Variants in S100Z observed in about 807,000 individuals in gnomAD.
S100Z encodes the protein S100 calcium binding protein Z, also known as protein S100-Z.
In S100Z, 11 loss-of-function variants were observed where a neutral mutation model predicts 8.5. The observed-to-expected ratio is 1.30, with a 90% confidence interval of 0.82 to 2.15. The LOEUF (loss-of-function observed/expected upper bound fraction) is 2.15. S100Z is among the 30% of genes most tolerant of loss of function. S100Z has a pLI of 0.00. For synonymous variants in S100Z, 34 were observed against 43.8 expected (o/e 0.78, Z 0.89); for missense variants, 126 against 117.9 (o/e 1.07, Z -0.32).
chr5:76,931,801 ATTC>A, the S100Z span, among the ~76,000 whole-genome samples: 45,251 of 151,662 alleles, frequency 0.3, 6,844 homozygotes, highest in East Asian at 0.37. Context: ...GGTTTTTTTT[ATTC>A]TTCTTTTTTT....
At chr5:76,889,336 C>T (rs73764767) in intron 4 of S100Z, among the ~76,000 whole-genome samples, 2 of 152,094 alleles carry the variant, frequency 1.3e-5, no homozygotes, top group Non-Finnish European at 2.9e-5. Flanking sequence ...CTCATTGAAG[C>T]CGTATCATTT....
intron 4 of S100Z, among the ~76,000 whole-genome samples, chr5:76,898,249 C>T (rs1284140624): frequency 3.3e-5 from 5 of 151,840 alleles, no homozygotes; most frequent in African/African-American, 1.2e-4. Flanking sequence ...CTCCCGGGTT[C>T]AAGTGATTCT....
intron 4 of S100Z, among the ~76,000 whole-genome samples, chr5:76,913,830 C>A (rs888078985): frequency 6.6e-6 from 1 of 152,268 alleles, no homozygotes. Flanking sequence ...AGGGATAGTA[C>A]GAGATGCTGC....
At chr5:76,876,554 A>G (rs1329421278) in intron 3 of S100Z, among the ~76,000 whole-genome samples, 3 of 152,016 alleles carry the variant, frequency 2.0e-5, no homozygotes, top group Non-Finnish European at 4.4e-5. Flanking sequence ...TATTTTTAGT[A>G]GAGACAGAGT....
At chr5:76,910,250 A>G (rs1261867596) in intron 4 of S100Z, among the ~76,000 whole-genome samples, 1 of 152,204 alleles carries the variant, frequency 6.6e-6, no homozygotes, top group Admixed American at 6.5e-5. Context: ...GGGTCAACTG[A>G]TTCTAAAAGA....
chr5:76,918,453 C>T lies in S100Z; in HGVS notation c.*3-2264C>T, dbSNP rs145949888. Among the ~76,000 whole-genome samples the T allele has an allele frequency of 6.9e-3, 1,047 of 152,302 alleles. 16 individuals carry two copies. Among genetic ancestry groups the T allele is most frequent in the African/African-American group, 0.024 (983 of 41,556 alleles). ...AACTCCTGAGCTCAAGCAGTCCTCC[C>T]GTCTTGGCCTCCCAAAGTGCTGGGA... On this transcript the variant is annotated intron_variant, in intron 4 of 4. Transcript: ENST00000317593.
At chr5:76,925,737 G>A (rs1027929072), downstream of S100Z, among the ~76,000 whole-genome samples, 1 of 152,056 alleles carries the variant, frequency 6.6e-6, no homozygotes. Flanking sequence ...GAGGCTGAGG[G>A]GGGCGGATCA....
the S100Z span, among the ~76,000 whole-genome samples, chr5:76,933,768 A>G: frequency 7.9e-5 from 12 of 152,318 alleles, no homozygotes; most frequent in South Asian, 2.5e-3. Flanking sequence ...CCAAAATTTT[A>G]AGTGTACAAT....
At chr5:76,852,628 TA>T (rs1750762978) in intron 1 of S100Z, among the ~76,000 whole-genome samples, 1 of 152,244 alleles carries the variant, frequency 6.6e-6, no homozygotes, top group South Asian at 2.1e-4. Context: ...AAGAATTGCT[TA>T]AACCCAGGAG....
chr5:76,915,990 G>C (rs889213917), intron 4 of S100Z, among the ~76,000 whole-genome samples: 2 of 151,860 alleles, frequency 1.3e-5, no homozygotes, highest in African/African-American at 2.4e-5. Flanking sequence ...GTGAAACCTC[G>C]TCTCTACTAA....
intron 4 of S100Z, among the ~76,000 whole-genome samples, chr5:76,903,639 C>T (rs181164124): frequency 1.2e-4 from 18 of 152,078 alleles, no homozygotes; most frequent in Admixed American, 1.2e-3. Flanking sequence ...AGTGTTATCT[C>T]ATTGTAATTT....
At position 76,912,562 on chromosome 5, in the gene S100Z, GA is replaced by G. The variant is rs199985600; in HGVS notation, c.*3-8146del. 7.9e-5 allele frequency among the ~76,000 whole-genome samples: 12 copies of G among 151,066 alleles called. No homozygotes were observed. In the East Asian group the frequency reaches 1.4e-3, roughly 17 times the overall value. The stretch of plus-strand genomic sequence containing the variant: ...CCTGAGCCTTAGAACTGGGAAAGAG[GA>G]AAAAAAAATAAATGTGTATACGGAT... On this transcript the variant is annotated intron_variant, in intron 4 of 4. Transcript: ENST00000317593.
intron 4 of S100Z, among the ~76,000 whole-genome samples, chr5:76,910,733 C>G (rs1269573589): frequency 6.6e-6 from 1 of 152,170 alleles, no homozygotes; most frequent in Non-Finnish European, 1.5e-5. Flanking sequence ...CCTCACTGAG[C>G]CCTGGGGACA....
At chr5:76,897,326 C>T (rs1164375135) in intron 4 of S100Z, among the ~76,000 whole-genome samples, 1 of 151,862 alleles carries the variant, frequency 6.6e-6, no homozygotes, top group Non-Finnish European at 1.5e-5. Flanking sequence ...CCTGTAGTCG[C>T]AGCTACTTGT....
chr5:76,914,161 C>T (rs1744772827), intron 4 of S100Z, among the ~76,000 whole-genome samples: 1 of 152,082 alleles, frequency 6.6e-6, no homozygotes, highest in South Asian at 2.1e-4. Context: ...ATTACAACTG[C>T]AGGGCTCCTT....
intron 4 of S100Z, among the ~76,000 whole-genome samples, chr5:76,884,049 G>A (rs538724019): frequency 2.6e-5 from 4 of 152,254 alleles, no homozygotes; most frequent in African/African-American, 7.2e-5. Flanking sequence ...CCTGTTGTGG[G>A]GTTCGAGGGC....
chr5:76,900,781 A>G (rs1200784638), intron 4 of S100Z, among the ~76,000 whole-genome samples: 1 of 152,048 alleles, frequency 6.6e-6, no homozygotes, highest in Non-Finnish European at 1.5e-5. Context: ...AGTGGTGTTG[A>G]TGCTAGTAGA....
downstream of S100Z, among the ~76,000 whole-genome samples, chr5:76,922,759 G>C (rs2681668): frequency 1.3e-5 from 2 of 151,920 alleles, no homozygotes; most frequent in East Asian, 3.9e-4. Flanking sequence ...TCCTGACCTC[G>C]TGATCTGCCC....
intron 4 of S100Z, among the ~76,000 whole-genome samples, chr5:76,889,114 A>G (rs1039044966): frequency 1.3e-5 from 2 of 152,152 alleles, no homozygotes; most frequent in Non-Finnish European, 2.9e-5. Flanking sequence ...TCCTCTAGCC[A>G]TCGCATGTAA....
Sources: allele counts gnomAD v4.1 joint callset (sites outside exome capture counted in the v4.1 genomes callset), GRCh38; gene constraint gnomAD v4.1.1; transcripts MANE v1.5; gene names NCBI Gene and HGNC (gene_info 2026-07-23, HGNC 2026-07-21).